Variants in PCNX2 observed in about 807,000 individuals in gnomAD.
The protein encoded by PCNX2 is pecanex-like protein 2.
In PCNX2, 168 loss-of-function variants were observed where a neutral mutation model predicts 223.8. The observed-to-expected ratio is 0.75, with a 90% confidence interval of 0.66 to 0.85. The LOEUF (loss-of-function observed/expected upper bound fraction) is 0.85, where lower values mean the gene tolerates loss of function less well. Among genes scored for constraint, PCNX2 ranks in the 40% least tolerant of loss-of-function variants. The pLI, the probability that PCNX2 is intolerant of heterozygous loss-of-function variation, is 0.00. For missense variants in PCNX2, 2,507 were observed against 2,675.5 expected (o/e 0.94, Z 1.39); for synonymous variants, 1,006 against 1,052.6 (o/e 0.96, Z 0.86).
chr1:233,001,642 T>C lies in PCNX2; in HGVS notation c.4992A>G (p.Lys1664=). 1 of 1,594,608 alleles carries C rather than the reference T, an allele frequency of 6.3e-7. No homozygotes were observed. Among genetic ancestry groups the C allele is most frequent in the Non-Finnish European group, 8.6e-7 (1 of 1,168,768 alleles). ...SFLYGLHVLF[K]GDFRITARDE... ...CACGTGCTGTTATTCTGAAGTCACC[T>C]TTGAAGAGGACATGGAGGCCATACA... Residue 1664 remains lysine, a synonymous_variant, in exon 29 of 34, where the codon AAA becomes AAG. Transcript: ENST00000258229. The surrounding 1 kb of genome is among the most constrained non-coding windows in gnomAD (Gnocchi z 4.2).
intron 1 of PCNX2, among the ~76,000 whole-genome samples, chr1:233,276,621 T>C (rs959845767): frequency 6.6e-6 from 1 of 152,194 alleles, no homozygotes; most frequent in African/African-American, 2.4e-5. Flanking sequence ...GGTTAAGAAA[T>C]AAGCAGAACC....
the PCNX2 span, among the ~76,000 whole-genome samples, chr1:233,312,263 AAAAC>A: frequency 5.9e-5 from 9 of 152,234 alleles, no homozygotes; most frequent in Admixed American, 2.6e-4. Flanking sequence ...TGAAAAGGAC[AAAAC>A]AAACAGAACA....
chr1:233,325,885 TCAAA>T, the PCNX2 span, among the ~76,000 whole-genome samples: 11 of 152,216 alleles, frequency 7.2e-5, no homozygotes, highest in African/African-American at 2.7e-4. Context: ...TAAAATGGTA[TCAAA>T]CAGCTTCCCA....
At chr1:233,113,593 T>C (rs539188677) in intron 21 of PCNX2, among the ~76,000 whole-genome samples, 7 of 152,310 alleles carry the variant, frequency 4.6e-5, no homozygotes, top group Non-Finnish European at 1.0e-4. Context: ...TAAGATGTTG[T>C]GTAAGGTAGG....
At chr1:232,988,662 T>C (rs1023828739) in intron 32 of PCNX2, among the ~76,000 whole-genome samples, 4 of 152,230 alleles carry the variant, frequency 2.6e-5, no homozygotes, top group African/African-American at 7.2e-5. Flanking sequence ...TTTGATGTTA[T>C]CTGAACAATC....
chr1:233,321,078 G>A, the PCNX2 span, among the ~76,000 whole-genome samples: 1 of 140,430 alleles, frequency 7.1e-6, no homozygotes, highest in South Asian at 2.3e-4. Flanking sequence ...GGATGCAGTG[G>A]TGCGATCTCT....
chr1:233,085,220 C>T (rs1409768435), intron 23 of PCNX2, among the ~76,000 whole-genome samples: 5 of 151,902 alleles, frequency 3.3e-5, no homozygotes, highest in African/African-American at 9.7e-5. Context: ...GTAATCCCAG[C>T]TACTCGGGAG....
chr1:233,100,618 A>T (rs990472391), intron 21 of PCNX2, among the ~76,000 whole-genome samples: 1 of 152,094 alleles, frequency 6.6e-6, no homozygotes, highest in African/African-American at 2.4e-5. Context: ...AATAAAGGTG[A>T]CCCCAAAACT....
At chr1:233,278,908 G>A (rs892571686) in intron 1 of PCNX2, among the ~76,000 whole-genome samples, 1 of 152,044 alleles carries the variant, frequency 6.6e-6, no homozygotes, top group Non-Finnish European at 1.5e-5. Context: ...ATCTCACTGG[G>A]GCTCAAATTG....
At chr1:233,191,453 A>G (rs1392397346) in intron 15 of PCNX2, among the ~76,000 whole-genome samples, 1 of 152,168 alleles carries the variant, frequency 6.6e-6, no homozygotes, top group Non-Finnish European at 1.5e-5. Context: ...TCCCAGTCCA[A>G]ATGGCATCAA....
chr1:233,087,471 G>A (rs1476985667), intron 23 of PCNX2, among the ~76,000 whole-genome samples: 1 of 152,172 alleles, frequency 6.6e-6, no homozygotes, highest in African/African-American at 2.4e-5. Flanking sequence ...CTTTGTATCA[G>A]ACTCAAAAGA....
At chr1:233,138,046 G>A (rs973361667) in intron 20 of PCNX2, among the ~76,000 whole-genome samples, 11 of 152,128 alleles carry the variant, frequency 7.2e-5, no homozygotes, top group African/African-American at 2.7e-4. Context: ...TCCTGTTTGA[G>A]AACAGTTGGT....
At chr1:233,274,977 G>T (rs1660834316) in intron 1 of PCNX2, among the ~76,000 whole-genome samples, 1 of 152,194 alleles carries the variant, frequency 6.6e-6, no homozygotes, top group African/African-American at 2.4e-5. Flanking sequence ...TGAGGAAGGG[G>T]CAATCTGTTT....
intron 17 of PCNX2, among the ~76,000 whole-genome samples, chr1:233,167,475 C>A (rs1440393626): frequency 1.3e-5 from 2 of 152,020 alleles, no homozygotes; most frequent in African/African-American, 4.8e-5. Context: ...ATAAACAACT[C>A]CAGCGATCTA....
intron 9 of PCNX2, 151 bp from the exon 10 acceptor site, chr1:233,227,522 T>TTGGTTTAC: frequency 1.0e-5 from 4 of 391,752 alleles, no homozygotes; most frequent in African/African-American, 2.2e-5. Context: ...TTCTGATATG[T>TTGGTTTAC]AAACCAACAT....
At chr1:233,212,584 T>C (rs1039305033) in intron 12 of PCNX2, among the ~76,000 whole-genome samples, 7 of 152,152 alleles carry the variant, frequency 4.6e-5, no homozygotes, top group Non-Finnish European at 1.0e-4. Flanking sequence ...TATCAAAGTG[T>C]TCATCAAGTG....
At chr1:233,105,663 CAGGAGT>C (rs1225250405) in intron 21 of PCNX2, among the ~76,000 whole-genome samples, 1 of 152,120 alleles carries the variant, frequency 6.6e-6, no homozygotes, top group Non-Finnish European at 1.5e-5. Context: ...TAGTATCCAG[CAGGAGT>C]AGGCTACTTA....
intron 10 of PCNX2, among the ~76,000 whole-genome samples, chr1:233,222,142 C>A (rs145155548): frequency 6.6e-6 from 1 of 152,122 alleles, no homozygotes; most frequent in African/African-American, 2.4e-5. Context: ...ATGTTCCATG[C>A]GCAGGAACTG....
At chr1:233,278,957 C>T (rs767936771) in intron 1 of PCNX2, among the ~76,000 whole-genome samples, 13 of 152,272 alleles carry the variant, frequency 8.5e-5, no homozygotes, top group Non-Finnish European at 1.6e-4. Context: ...ACTCTGCTAT[C>T]TTTTTAATAT....
Sources: gnomAD v4.1 joint callset for allele counts (sites outside exome capture counted in the v4.1 genomes callset) on GRCh38, gnomAD v4.1.1 for gene constraint, Gnocchi (gnomAD v3.1) non-coding constraint, MANE v1.5 for transcripts, NCBI Gene and HGNC (gene_info 2026-07-23, HGNC 2026-07-21) for gene names.